Variants in ZEB1 observed in about 807,000 individuals in gnomAD.
ZEB1 encodes zinc finger E-box binding homeobox 1, also known as zinc finger E-box-binding homeobox 1.
In ZEB1, 21 loss-of-function variants were observed where a neutral mutation model predicts 84.9. The observed-to-expected ratio is 0.25, with a 90% CI of 0.18 to 0.36. The LOEUF (loss-of-function observed/expected upper bound fraction) is 0.36, where lower values mean the gene tolerates loss of function less well. Among genes scored for constraint, ZEB1 ranks in the 10% least tolerant of loss-of-function variants. ZEB1 has a pLI of 1.00. For synonymous variants in ZEB1, 420 were observed against 471.1 expected, an observed-to-expected ratio of 0.89 and a Z score of 1.41; for missense variants, 1,104 against 1,330.2, an observed-to-expected ratio of 0.83 and a Z score of 2.65.
chr10:31,448,717 G>C (rs1338846861), intron 1 of ZEB1, among the ~76,000 whole-genome samples: 3 of 152,144 alleles, frequency 2.0e-5, no homozygotes, highest in African/African-American at 7.2e-5. Context: ...CTCCCAGTTA[G>C]GCTGCTAAGG....
At chr10:31,424,213 C>T (rs2056623826) in intron 1 of ZEB1, among the ~76,000 whole-genome samples, 1 of 151,902 alleles carries the variant, frequency 6.6e-6, no homozygotes, top group African/African-American at 2.4e-5. Context: ...TATTGCAAAC[C>T]AATGCCATCA....
chr10:31,389,675 C>T (rs893761744), intron 1 of ZEB1: 6 of 151,628 alleles, frequency 4.0e-5, no homozygotes, highest in African/African-American at 1.5e-4. Context: ...AAAGATAATT[C>T]GAGCCATAAA....
intron 8 of ZEB1, among the ~76,000 whole-genome samples, chr10:31,525,912 GA>G (rs2073338746): frequency 6.6e-6 from 1 of 152,156 alleles, no homozygotes; most frequent in South Asian, 2.1e-4. Context: ...AAATATATAT[GA>G]AAAACTACAC....
chr10:31,405,438 T>C (rs1245985733), intron 1 of ZEB1, among the ~76,000 whole-genome samples: 2 of 152,196 alleles, frequency 1.3e-5, no homozygotes, highest in Admixed American at 1.3e-4. Flanking sequence ...GAAAAGTGTT[T>C]CTTTACCCAT....
intron 1 of ZEB1, chr10:31,363,066 C>G (rs986673330): frequency 6.5e-7 from 1 of 1,533,802 alleles, no homozygotes; most frequent in African/African-American, 1.4e-5. Context: ...GCGGTGGCCC[C>G]GACAGTTTTC....
At chr10:31,336,578 T>C (rs1016266456) in intron 1 of ZEB1, among the ~76,000 whole-genome samples, 7 of 152,228 alleles carry the variant, frequency 4.6e-5, no homozygotes, top group African/African-American at 1.7e-4. Flanking sequence ...GTTTCACTAA[T>C]AGATACTGTA....
At chr10:31,496,214 T>C (rs773771564) in intron 3 of ZEB1, among the ~76,000 whole-genome samples, 3 of 151,958 alleles carry the variant, frequency 2.0e-5, no homozygotes, top group Admixed American at 6.6e-5. Context: ...CTGCTTTGAA[T>C]TGCCCACAAG....
intron 1 of ZEB1, among the ~76,000 whole-genome samples, chr10:31,449,312 T>C (rs1337915221): frequency 1.3e-5 from 2 of 152,266 alleles, no homozygotes; most frequent in African/African-American, 4.8e-5. Context: ...GCCTACTGTC[T>C]GGCACTCCCT....
At chr10:31,355,871 C>T (rs961845668) in intron 1 of ZEB1, among the ~76,000 whole-genome samples, 4 of 152,000 alleles carry the variant, frequency 2.6e-5, no homozygotes, top group Non-Finnish European at 4.4e-5. Context: ...TTTTAAGCAT[C>T]GGGGTATGCC....
intron 3 of ZEB1, among the ~76,000 whole-genome samples, chr10:31,498,170 T>TTTA (rs1172278042): frequency 6.6e-6 from 1 of 152,088 alleles, no homozygotes; most frequent in Non-Finnish European, 1.5e-5. Flanking sequence ...GGACATTTGC[T>TTTA]TTATAATTGA....
chr10:31,328,707 T>C (rs2036118454), intron 1 of ZEB1, among the ~76,000 whole-genome samples: 1 of 152,152 alleles, frequency 6.6e-6, no homozygotes, highest in Non-Finnish European at 1.5e-5. Context: ...CTTGGATCTT[T>C]TTAAGGGCCA....
At chr10:31,332,807 A>G (rs1035579490) in intron 1 of ZEB1, among the ~76,000 whole-genome samples, 5 of 152,140 alleles carry the variant, frequency 3.3e-5, no homozygotes, top group Non-Finnish European at 7.4e-5. Context: ...TTTATGCATC[A>G]ATTTTCTAAA....
intron 3 of ZEB1, among the ~76,000 whole-genome samples, chr10:31,501,460 C>T (rs1166743226): frequency 6.6e-6 from 1 of 152,146 alleles, no homozygotes; most frequent in South Asian, 2.1e-4. Context: ...TGAATACTAG[C>T]GTAGCTAAGA....
intron 1 of ZEB1, among the ~76,000 whole-genome samples, chr10:31,417,368 T>C (rs909101447): frequency 6.6e-6 from 1 of 152,126 alleles, no homozygotes; most frequent in Admixed American, 6.6e-5. Flanking sequence ...AAAACTACCC[T>C]GTGAGGTGTG....
chr10:31,477,194 G>A (rs867808032), intron 2 of ZEB1, among the ~76,000 whole-genome samples: 24 of 151,998 alleles, frequency 1.6e-4, no homozygotes, highest in Non-Finnish European at 2.8e-4. Context: ...AACAACTTCA[G>A]TAAAGTTTTA....
intron 1 of ZEB1, among the ~76,000 whole-genome samples, chr10:31,331,365 C>T (rs577025395): frequency 2.0e-5 from 3 of 152,066 alleles, no homozygotes; most frequent in Non-Finnish European, 4.4e-5. Flanking sequence ...GGATTACAGG[C>T]GTGAGCCACC....
At chr10:31,393,236 C>T (rs1438004444) in intron 1 of ZEB1, among the ~76,000 whole-genome samples, 1 of 152,072 alleles carries the variant, frequency 6.6e-6, no homozygotes, top group Non-Finnish European at 1.5e-5. Flanking sequence ...ACTTCTGAAA[C>T]ATTATAGTTT....
At chr10:31,470,225 C>T (rs2063032897) in intron 2 of ZEB1, among the ~76,000 whole-genome samples, 1 of 152,192 alleles carries the variant, frequency 6.6e-6, no homozygotes, top group Admixed American at 6.5e-5. Flanking sequence ...ACGACTTTGA[C>T]GAGCTGAGAG....
At position 31,432,734 on chromosome 10, in the gene ZEB1, T is replaced by A. The variant is rs987804858; in HGVS notation, c.59-28303T>A. Among the ~76,000 whole-genome samples, 7 of 152,336 alleles carry A rather than the reference T, an allele frequency of 4.6e-5. No homozygotes were observed. The East Asian group carries it at 9.6e-4, about 21-fold the overall frequency. ...CCCAGAGTGCTTTTGACTATGTGGGTTATATTTACTGATATTTACAGCATT... is the reference window on the plus strand; with the variant it reads ...CCCAGAGTGCTTTTGACTATGTGGGATATATTTACTGATATTTACAGCATT... On this transcript the variant is annotated intron_variant, in intron 1 of 8. Transcript: ENST00000424869.
Sources: gnomAD v4.1 joint callset for allele counts (sites outside exome capture counted in the v4.1 genomes callset) on GRCh38, gnomAD v4.1.1 for gene constraint, MANE v1.5 for transcripts, NCBI Gene and HGNC (gene_info 2026-07-23, HGNC 2026-07-21) for gene names.